The following SAXO1 variants were observed in gnomAD, a reference collection of about 807,000 sequenced individuals.
SAXO1 encodes the protein 4930500O09Rik.
In SAXO1, 21 loss-of-function variants were observed where a neutral mutation model predicts 17.5. The ratio of observed to expected loss-of-function variants is 1.20; its 90% CI spans 0.85 to 1.72. The LOEUF is 1.72. SAXO1 is among the 40% of genes most tolerant of loss of function. The pLI is 0.00. For missense variants in SAXO1, 843 were observed against 596.0 expected (o/e 1.41, Z -4.32); for synonymous variants, 274 against 216.5 (o/e 1.27, Z -2.33).
At chr9:18,965,160 A>C (rs573071379) in intron 1 of SAXO1, among the ~76,000 whole-genome samples, 3 of 152,182 alleles carry the variant, frequency 2.0e-5, no homozygotes, top group African/African-American at 7.2e-5. Context: ...TTTGCTGAGA[A>C]GTGTTTTACT....
chr9:18,983,611 A>G (rs573629001), intron 1 of SAXO1, among the ~76,000 whole-genome samples: 2 of 152,218 alleles, frequency 1.3e-5, no homozygotes, highest in Non-Finnish European at 2.9e-5. Context: ...TTTAAGTTTT[A>G]TCATGAGAGT....
Position 19,033,187 on chromosome 9 carries a change from T to A in SAXO1, c.-279A>T, listed in dbSNP as rs1835844937. On this transcript the variant is annotated 5_prime_UTR_variant, in exon 1 of 4. It adds an upstream start codon to the 5' untranslated region. Coordinates refer to ENST00000380534, the MANE Select transcript of SAXO1 (RefSeq NM_153707.4). ...CCGCCCCGGCCTCCGCAGTCCAGAC[T>A]TAAGCACCTGGAGCGGCTGACTGGG... The A allele has an allele frequency of 2.6e-6, 1 of 378,318 alleles. No homozygotes were observed. The highest frequency in any genetic ancestry group is 2.1e-5 in the African/African-American group (1 of 48,004). 23.4% of individuals were successfully genotyped at this position (378,318 alleles called of 1,614,324 possible). A position where few individuals can be genotyped will look rare whatever the true frequency, so the allele number is the denominator to read the frequency against.
chr9:18,930,883 T>G (rs773537118), intron 3 of SAXO1, among the ~76,000 whole-genome samples: 4 of 152,178 alleles, frequency 2.6e-5, no homozygotes, highest in Admixed American at 6.5e-5. Flanking sequence ...AGATTTAAAT[T>G]AGCCCTAGTG....
intron 2 of SAXO1, among the ~76,000 whole-genome samples, chr9:18,943,050 A>G (rs1467365409): frequency 1.3e-5 from 2 of 152,228 alleles, no homozygotes; most frequent in Non-Finnish European, 2.9e-5. Context: ...TTACTCAGCC[A>G]TGCTTGACTA....
At chr9:19,022,445 G>A (rs1322861530) in intron 1 of SAXO1, among the ~76,000 whole-genome samples, 3 of 152,180 alleles carry the variant, frequency 2.0e-5, no homozygotes, top group South Asian at 2.1e-4. Context: ...GCCCTCCCAT[G>A]TGAAGCAAGA....
intron 1 of SAXO1, among the ~76,000 whole-genome samples, chr9:19,008,837 G>C (rs995714450): frequency 6.6e-6 from 1 of 152,272 alleles, no homozygotes; most frequent in East Asian, 1.9e-4. Context: ...AGGAGCAACT[G>C]TGTCTGGCAA....
chr9:18,940,320 A>T (rs572881978), intron 3 of SAXO1, among the ~76,000 whole-genome samples: 1 of 152,362 alleles, frequency 6.6e-6, no homozygotes, highest in East Asian at 1.9e-4. Context: ...TACTGCTGAT[A>T]AAAGGTGGCT....
intron 3 of SAXO1, among the ~76,000 whole-genome samples, chr9:18,939,457 A>G (rs919551263): frequency 1.1e-4 from 17 of 152,256 alleles, no homozygotes; most frequent in Non-Finnish European, 2.4e-4. Context: ...ACAATGCATG[A>G]TAAGACAGGG....
intron 1 of SAXO1, among the ~76,000 whole-genome samples, chr9:18,981,116 T>A (rs1833368345): frequency 6.6e-6 from 1 of 152,178 alleles, no homozygotes; most frequent in African/African-American, 2.4e-5. Flanking sequence ...GAAATAAACC[T>A]GAAGACCTCT....
intron 1 of SAXO1, among the ~76,000 whole-genome samples, chr9:19,016,786 T>C (rs1051370509): frequency 5.3e-5 from 8 of 149,998 alleles, no homozygotes; most frequent in African/African-American, 1.7e-4. Flanking sequence ...CTTTTAACTA[T>C]CTAACATCTG....
In SAXO1 at chr9:18,979,525, C is replaced by G. The variant is rs796884739; in HGVS notation, c.39-28588G>C. Among the ~76,000 whole-genome samples, 79 of 152,274 alleles carry G rather than the reference C, an allele frequency of 5.2e-4. 1 individual carries two copies. The highest frequency in any genetic ancestry group is 1.8e-3 in the African/African-American group (75 of 41,570). The stretch of plus-strand genomic sequence containing the variant: ...GGCAGGGGGCACGTGGTGGGACAGT[C>G]CAGAGCCTTTGGCCTGGGGATATGC... On this transcript the variant is annotated intron_variant, in intron 1 of 3. Coordinates refer to ENST00000380534, the MANE Select transcript of SAXO1 (RefSeq NM_153707.4).
chr9:18,969,302 G>A (rs990002123), intron 1 of SAXO1, among the ~76,000 whole-genome samples: 2 of 152,160 alleles, frequency 1.3e-5, no homozygotes, highest in South Asian at 2.1e-4. Context: ...GTTCCCACAT[G>A]GCCTTTTAGT....
At chr9:18,929,114 T>C in intron 3 of SAXO1, 59 bp from the exon 4 acceptor site, 2 of 1,571,618 alleles carry the variant, frequency 1.3e-6, no homozygotes, top group Non-Finnish European at 1.7e-6. Context: ...CTTGCATATA[T>C]TCTACAGAGC....
At chr9:19,032,527 A>G (rs1417083019) in intron 1 of SAXO1, among the ~76,000 whole-genome samples, 1 of 152,166 alleles carries the variant, frequency 6.6e-6, no homozygotes, top group Non-Finnish European at 1.5e-5. Context: ...CACTTTCCCA[A>G]AAGGAGCAAG....
intron 3 of SAXO1, among the ~76,000 whole-genome samples, chr9:18,931,101 C>G (rs575417500): frequency 5.4e-4 from 82 of 152,246 alleles, no homozygotes; most frequent in African/African-American, 2.0e-3. Flanking sequence ...AGTTGTATAT[C>G]CATCACCAAA....
intron 1 of SAXO1, among the ~76,000 whole-genome samples, chr9:18,957,577 G>C (rs150236029): frequency 1.8e-3 from 270 of 152,306 alleles, no homozygotes; most frequent in African/African-American, 6.2e-3. Context: ...TGCTGTTCAA[G>C]GGAGGAAAGC....
chr9:19,027,863 C>T (rs1388144514), intron 1 of SAXO1: 13 of 1,362,134 alleles, frequency 9.5e-6, no homozygotes, highest in South Asian at 2.4e-5. Flanking sequence ...CGCCCTGCTA[C>T]GCTAGGGCGG....
chr9:18,962,931 C>T (rs10811071), intron 1 of SAXO1, among the ~76,000 whole-genome samples: 2 of 151,930 alleles, frequency 1.3e-5, no homozygotes, highest in African/African-American at 4.8e-5. Context: ...TATGGTTTTA[C>T]GTCTTACGCT....
chr9:18,930,274 G>T (rs1018127396), intron 3 of SAXO1, among the ~76,000 whole-genome samples: 1 of 152,182 alleles, frequency 6.6e-6, no homozygotes, highest in Non-Finnish European at 1.5e-5. Context: ...TCTGCTGTGG[G>T]GCTGGAATGG....
Sources: allele counts gnomAD v4.1 joint callset (sites outside exome capture counted in the v4.1 genomes callset), GRCh38; gene constraint gnomAD v4.1.1; transcripts MANE v1.5; gene names NCBI Gene and HGNC (gene_info 2026-07-23, HGNC 2026-07-21).